Variants in STK39 observed in about 807,000 individuals in gnomAD.
The protein encoded by STK39 is serine/threonine kinase 39, also known as STE20/SPS1-related proline-alanine-rich protein kinase.
In STK39, 20 loss-of-function variants were observed where a neutral mutation model predicts 77.8. The observed-to-expected ratio is 0.26, with a 90% CI of 0.18 to 0.37. The LOEUF (loss-of-function observed/expected upper bound fraction) is 0.37. Among genes scored for constraint, STK39 ranks in the 10% least tolerant of loss-of-function variants. The probability of loss-of-function intolerance (pLI) is 1.00; values close to 1 mark genes in which losing one functional copy is unlikely to be tolerated. For synonymous variants in STK39, 246 were observed against 234.1 expected, an observed-to-expected ratio of 1.05 and a Z score of -0.47; for missense variants, 479 against 656.5, an observed-to-expected ratio of 0.73 and a Z score of 2.95.
Position 168,136,037 on chromosome 2 carries a change from T to C in STK39, c.974+2051A>G, listed in dbSNP as rs550261046. ...AAGGAACCTGATATTTAAGCTCATA[T>C]AATGAATAAAATCCGGAAAGACTTT... On this transcript the variant is annotated intron_variant, in intron 8 of 17. Transcript: ENST00000355999. Among the ~76,000 whole-genome samples, 8 of 151,480 alleles carry C rather than the reference T, an allele frequency of 5.3e-5. No homozygotes were observed. The East Asian group carries it at 1.6e-3, about 29-fold the overall frequency.
chr2:167,969,659 A>G (rs938809925), intron 16 of STK39, among the ~76,000 whole-genome samples: 2 of 152,196 alleles, frequency 1.3e-5, no homozygotes, highest in East Asian at 3.9e-4. Context: ...ACATACGCAG[A>G]AACGAATGAC....
At chr2:168,138,580 G>A (rs13382539) in intron 7 of STK39, among the ~76,000 whole-genome samples, 5,258 of 152,278 alleles carry the variant, frequency 0.035, 272 homozygotes, top group East Asian at 0.23. Flanking sequence ...GGGCCAGCGA[G>A]GCAGTGACTG....
At chr2:168,133,686 C>A (rs1039125348) in intron 8 of STK39, among the ~76,000 whole-genome samples, 1 of 152,086 alleles carries the variant, frequency 6.6e-6, no homozygotes, top group Non-Finnish European at 1.5e-5. Context: ...GGTGAAACCC[C>A]ATCTCTGTTA....
intron 14 of STK39, among the ~76,000 whole-genome samples, chr2:168,043,985 G>A (rs1489418535): frequency 6.6e-6 from 1 of 152,186 alleles, no homozygotes; most frequent in African/African-American, 2.4e-5. Flanking sequence ...TTTAGCTAGA[G>A]GAAAGCAACC....
intron 14 of STK39, among the ~76,000 whole-genome samples, chr2:168,054,218 G>A (rs1426722917): frequency 6.6e-6 from 1 of 152,234 alleles, no homozygotes; most frequent in Non-Finnish European, 1.5e-5. Flanking sequence ...AAACAGGACT[G>A]AATAGAGCAA....
chr2:168,246,528 T>C (rs1690907456), intron 1 of STK39, among the ~76,000 whole-genome samples: 1 of 152,138 alleles, frequency 6.6e-6, no homozygotes, highest in African/African-American at 2.4e-5. Context: ...GGGCACCCGC[T>C]TTCCCCGGGG....
Position 168,129,525 on chromosome 2 carries a change from G to A in STK39, c.1089+16C>T, listed in dbSNP as rs201400054. ...GGATTGGTTCCTACAGGGTCATGAA[G>A]GCTAATGGCACTTACCTTTTTGGCT... On this transcript the variant is annotated intron_variant, in intron 10 of 17. Transcript: ENST00000355999. The A allele has an allele frequency of 6.2e-6, 10 of 1,613,836 alleles. No individual in the cohort carries two copies. In the Admixed American group the frequency reaches 6.7e-5, roughly 11 times the overall value.
At chr2:168,176,162 T>C (rs759693610) in intron 2 of STK39, among the ~76,000 whole-genome samples, 4 of 152,218 alleles carry the variant, frequency 2.6e-5, no homozygotes, top group Non-Finnish European at 5.9e-5. Context: ...TACAAAATTA[T>C]ACTGTTTTAG....
chr2:168,055,718 T>G (rs1293265454), intron 14 of STK39, among the ~76,000 whole-genome samples: 1 of 152,258 alleles, frequency 6.6e-6, no homozygotes, highest in East Asian at 1.9e-4. Context: ...ATAATTTAAG[T>G]GATAGATTTA....
intron 10 of STK39, among the ~76,000 whole-genome samples, chr2:168,080,976 G>A (rs1574449199): frequency 6.6e-6 from 1 of 152,324 alleles, no homozygotes; most frequent in South Asian, 2.1e-4. Context: ...CTAGATTTAG[G>A]AGGATATATG....
chr2:167,955,297 G>A lies in STK39; in HGVS notation c.*199C>T. On this transcript the variant is annotated 3_prime_UTR_variant, in exon 18 of 18. Coordinates refer to ENST00000355999, the MANE Select transcript of STK39 (RefSeq NM_013233.3). ...GTACTGTGGATTGCTAGAGAATAAA[G>A]CAGAACTCGGAGTGTTGTAAGTTTT... is the stretch of plus-strand genomic sequence containing the variant. 2.0e-6 allele frequency: 1 copy of A among 508,740 alleles called. No individual in the cohort carries two copies. Among genetic ancestry groups the A allele is most frequent in the Non-Finnish European group, 3.5e-6 (1 of 283,170 alleles). The allele number at this position is 508,740 out of a possible 1,614,324, so 31.5% of individuals were successfully genotyped here.
chr2:168,001,989 A>C (rs1684013875), intron 16 of STK39, among the ~76,000 whole-genome samples: 1 of 152,220 alleles, frequency 6.6e-6, no homozygotes, highest in African/African-American at 2.4e-5. Flanking sequence ...ACTGAGTGTA[A>C]TCTGCAAGCA....
rs544757532 is a variant in STK39, at chr2:168,006,431, T to A, written c.1498+6203A>T. Among the ~76,000 whole-genome samples, 24 of 152,308 alleles carry A rather than the reference T, an allele frequency of 1.6e-4. No homozygotes were observed. In the South Asian group the frequency reaches 2.9e-3, roughly 18 times the overall value. ...TCTTTTGTACATATGAATTTTGTGT[T>A]TTGCATTTTTCCCCCGTGCTTCCAT... On this transcript the variant is annotated intron_variant, in intron 16 of 17. Transcript: ENST00000355999.
At chr2:168,092,958 G>A (rs1294886449) in intron 10 of STK39, among the ~76,000 whole-genome samples, 5 of 152,076 alleles carry the variant, frequency 3.3e-5, no homozygotes, top group African/African-American at 7.2e-5. Flanking sequence ...TGTCACTCCC[G>A]TGGTTGGACA....
At chr2:168,207,777 T>C (rs1201441000) in intron 1 of STK39, among the ~76,000 whole-genome samples, 2 of 134,646 alleles carry the variant, frequency 1.5e-5, no homozygotes, top group Non-Finnish European at 3.2e-5. Flanking sequence ...AAATTACAAG[T>C]ATTTAGCCTC....
chr2:168,110,224 T>G (rs913275896), intron 10 of STK39, among the ~76,000 whole-genome samples: 4 of 152,224 alleles, frequency 2.6e-5, no homozygotes, highest in African/African-American at 9.6e-5. Flanking sequence ...ATTAAAATAT[T>G]TATTTATTTT....
intron 10 of STK39, among the ~76,000 whole-genome samples, chr2:168,086,708 G>A (rs1686376536): frequency 6.6e-6 from 1 of 152,194 alleles, no homozygotes; most frequent in South Asian, 2.1e-4. Flanking sequence ...TTTCTAACGG[G>A]AAGAGAAGCA....
At chr2:168,106,296 C>T (rs1686971324) in intron 10 of STK39, among the ~76,000 whole-genome samples, 3 of 152,136 alleles carry the variant, frequency 2.0e-5, no homozygotes, top group African/African-American at 7.2e-5. Context: ...TGAGATATAA[C>T]AGTATCTACC....
intron 16 of STK39, among the ~76,000 whole-genome samples, chr2:167,975,314 C>A (rs532220393): frequency 7.2e-5 from 11 of 152,118 alleles, no homozygotes; most frequent in Non-Finnish European, 1.5e-4. Flanking sequence ...AGAGTCTAGG[C>A]CACCCCAACC....
Sources: gnomAD v4.1 joint callset for allele counts (sites outside exome capture counted in the v4.1 genomes callset) on GRCh38, gnomAD v4.1.1 for gene constraint, MANE v1.5 for transcripts, NCBI Gene and HGNC (gene_info 2026-07-23, HGNC 2026-07-21) for gene names.